The following HIVEP2 variants were observed in gnomAD, a reference collection of about 807,000 sequenced individuals.
The protein encoded by HIVEP2 is transcription factor HIVEP2.
Under a neutral mutation model 180.7 loss-of-function variants are expected in HIVEP2, and 14 were observed. That is an observed-to-expected ratio of 0.08 (90% CI 0.05 to 0.12). The LOEUF is 0.12. HIVEP2 is among the 10% of genes least tolerant of loss of function. The probability of loss-of-function intolerance (pLI) is 1.00; values close to 1 mark genes in which losing one functional copy is unlikely to be tolerated. For missense variants in HIVEP2, 2,579 were observed against 3,008.5 expected, an observed-to-expected ratio of 0.86 and a Z score of 3.34; for synonymous variants, 1,184 against 1,136.4, an observed-to-expected ratio of 1.04 and a Z score of -0.84.
At chr6:142,793,572 T>G (rs1003193069) in intron 2 of HIVEP2, among the ~76,000 whole-genome samples, 7 of 152,126 alleles carry the variant, frequency 4.6e-5, no homozygotes, top group African/African-American at 1.7e-4. Flanking sequence ...TTTTATAATT[T>G]ATTAATTTCT....
At chr6:142,807,659 C>T (rs1319648973) in intron 2 of HIVEP2, among the ~76,000 whole-genome samples, 1 of 152,096 alleles carries the variant, frequency 6.6e-6, no homozygotes, top group Admixed American at 6.6e-5. Flanking sequence ...ATTAAATTGG[C>T]TGGTGTCATA....
chr6:142,806,525 A>G (rs1043639838), intron 2 of HIVEP2, among the ~76,000 whole-genome samples: 3 of 152,184 alleles, frequency 2.0e-5, no homozygotes, highest in Admixed American at 1.3e-4. Context: ...CTATTTTCAC[A>G]AATCCCTTTT....
chr6:142,900,008 ATAAACCTTAATATAAGGTC>A (rs1777092558), intron 1 of HIVEP2, among the ~76,000 whole-genome samples: 1 of 152,240 alleles, frequency 6.6e-6, no homozygotes, highest in Non-Finnish European at 1.5e-5. Flanking sequence ...CTAAACCTTA[ATAAACCTTAATATAAGGTC>A]TAAACCTTAA....
chr6:142,845,814 T>C (rs1377882371), intron 1 of HIVEP2, among the ~76,000 whole-genome samples: 1 of 152,232 alleles, frequency 6.6e-6, no homozygotes, highest in Non-Finnish European at 1.5e-5. Context: ...GCAGAGCTGC[T>C]GTCTTCCCCA....
At chr6:142,801,283 A>C (rs1253590932) in intron 2 of HIVEP2, among the ~76,000 whole-genome samples, 1 of 148,864 alleles carries the variant, frequency 6.7e-6, no homozygotes. Context: ...GATTAAGGCA[A>C]ATGTCAGCAG....
intron 1 of HIVEP2, among the ~76,000 whole-genome samples, chr6:142,902,999 C>A (rs905794016): frequency 6.6e-6 from 1 of 152,214 alleles, no homozygotes; most frequent in African/African-American, 2.4e-5. Context: ...TACTTTGGAA[C>A]TCCTAACAGT....
chr6:142,829,064 G>T (rs1774999957), intron 2 of HIVEP2, among the ~76,000 whole-genome samples: 1 of 151,958 alleles, frequency 6.6e-6, no homozygotes, highest in African/African-American at 2.4e-5. Context: ...CTCCCTCCAG[G>T]TTTTCCAGTT....
At chr6:142,850,250 C>A (rs1365059154) in intron 1 of HIVEP2, among the ~76,000 whole-genome samples, 1 of 152,062 alleles carries the variant, frequency 6.6e-6, no homozygotes, top group East Asian at 1.9e-4. Flanking sequence ...AAAAAAAATA[C>A]AATGTCCTAA....
At chr6:142,778,330 T>G (rs1775757541) in intron 3 of HIVEP2, among the ~76,000 whole-genome samples, 1 of 152,202 alleles carries the variant, frequency 6.6e-6, no homozygotes, top group Non-Finnish European at 1.5e-5. Flanking sequence ...GAATCTAAAT[T>G]GGCTGACTGT....
rs542077728 is a variant in HIVEP2, at chr6:142,754,391, C to A, written c.6517-460G>T. ...TACTGGACAGATTTTTAATATTTTT[C>A]TTAAGTGTTGATGAGTATATAATTG... On this transcript the variant is annotated intron_variant, in intron 9 of 9. Coordinates refer to ENST00000367603, the MANE Select transcript of HIVEP2 (RefSeq NM_006734.4). Among the ~76,000 whole-genome samples the A allele has an allele frequency of 2.0e-5, 3 of 151,668 alleles. No individual in the cohort carries two copies. In the South Asian group the frequency reaches 6.3e-4, roughly 32 times the overall value.
intron 2 of HIVEP2, among the ~76,000 whole-genome samples, chr6:142,828,571 G>A (rs932606904): frequency 6.6e-6 from 1 of 151,918 alleles, no homozygotes; most frequent in South Asian, 2.1e-4. Flanking sequence ...CCAGTAGCTG[G>A]GATTTCAGCC....
intron 1 of HIVEP2, among the ~76,000 whole-genome samples, chr6:142,898,861 C>T (rs1777062142): frequency 6.6e-6 from 1 of 152,112 alleles, no homozygotes; most frequent in Non-Finnish European, 1.5e-5. Context: ...TTTGACAGTC[C>T]ATCCTGTGCT....
chr6:142,785,927 CAA>C (rs1353055505), intron 2 of HIVEP2, among the ~76,000 whole-genome samples: 1 of 152,064 alleles, frequency 6.6e-6, no homozygotes, highest in Non-Finnish European at 1.5e-5. Flanking sequence ...GATTTTAAAG[CAA>C]AGATGCAAAT....
chr6:142,902,504 C>G (rs1232887272), intron 1 of HIVEP2, among the ~76,000 whole-genome samples: 1 of 152,290 alleles, frequency 6.6e-6, no homozygotes, highest in East Asian at 1.9e-4. Context: ...CCAAACCATT[C>G]TTTAAAACAG....
intron 2 of HIVEP2, among the ~76,000 whole-genome samples, chr6:142,818,729 AAAGAAAAG>A (rs1183905400): frequency 1.4e-4 from 14 of 99,850 alleles, no homozygotes; most frequent in Middle Eastern, 9.6e-3. Flanking sequence ...GAAAAGAAAG[AAAGAAAAG>A]AAAGAAAGAA....
rs894211459 is a variant in HIVEP2 at position 142,753,290 on chromosome 6, G to A, written c.7158C>T (p.His2386=). Residue 2386 remains histidine (H), a synonymous_variant, in exon 10 of 10, where the codon CAC becomes CAT. Coordinates refer to ENST00000367603, the MANE Select transcript of HIVEP2 (RefSeq NM_006734.4). Reference sequence around the variant, plus strand: ...CCTTTTCACCATCATGCAAGTCAGGGTGGGTGGCTGAGGTACAGGGCTGAC... The same window carrying A: ...CCTTTTCACCATCATGCAAGTCAGGATGGGTGGCTGAGGTACAGGGCTGAC... ...EPGQPCTSAT[H]PDLHDGEKDN... 1 of 1,614,182 alleles carries A rather than the reference G, an allele frequency of 6.2e-7. No homozygotes were observed. The highest frequency in any genetic ancestry group is 8.5e-7 in the Non-Finnish European group (1 of 1,180,038).
At chr6:142,813,992 A>G (rs1776769141) in intron 2 of HIVEP2, among the ~76,000 whole-genome samples, 2 of 152,098 alleles carry the variant, frequency 1.3e-5, no homozygotes, top group South Asian at 2.1e-4. Flanking sequence ...CTCAGAGTCT[A>G]TGGTCTAGAG....
At chr6:142,872,231 G>A (rs142432754) in intron 1 of HIVEP2, among the ~76,000 whole-genome samples, 250 of 152,262 alleles carry the variant, frequency 1.6e-3, no homozygotes, top group African/African-American at 5.6e-3. Context: ...AGGTCAAATG[G>A]TTAATTATTC....
chr6:142,794,718 C>T (rs1020887309), intron 2 of HIVEP2, among the ~76,000 whole-genome samples: 13 of 152,140 alleles, frequency 8.5e-5, no homozygotes, highest in African/African-American at 3.1e-4. Context: ...ACCGGCAGAT[C>T]CTACACACAA....
Sources: gnomAD v4.1 joint callset for allele counts (sites outside exome capture counted in the v4.1 genomes callset) on GRCh38, gnomAD v4.1.1 for gene constraint, MANE v1.5 for transcripts, NCBI Gene and HGNC (gene_info 2026-07-23, HGNC 2026-07-21) for gene names.